The following CTNNA3 variants were observed in gnomAD, a reference collection of about 807,000 sequenced individuals.
CTNNA3 encodes the protein catenin alpha 3.
CTNNA3 carries 76 observed loss-of-function variants against 95.7 expected under a neutral mutation model. The ratio of observed to expected loss-of-function variants is 0.79; its 90% CI spans 0.66 to 0.96. The LOEUF (loss-of-function observed/expected upper bound fraction) is 0.96, where lower values mean the gene tolerates loss of function less well. Among genes scored for constraint, CTNNA3 ranks in the 40% least tolerant of loss-of-function variants. The probability of loss-of-function intolerance (pLI) is 0.00; values close to 1 mark genes in which losing one functional copy is unlikely to be tolerated. For synonymous variants in CTNNA3, 431 were observed against 374.4 expected (o/e 1.15, Z -1.74); for missense variants, 1,191 against 1,089.8 (o/e 1.09, Z -1.31).
At chr10:67,329,265 G>C (rs1329539642) in intron 5 of CTNNA3, among the ~76,000 whole-genome samples, 2 of 152,222 alleles carry the variant, frequency 1.3e-5, no homozygotes, top group Admixed American at 1.3e-4. Flanking sequence ...CAGCTACTTG[G>C]AGTGCTGAGG....
chr10:67,321,813 T>C (rs146465909), intron 5 of CTNNA3, among the ~76,000 whole-genome samples: 4,277 of 152,278 alleles, frequency 0.028, 86 homozygotes, highest in Non-Finnish European at 0.04. Context: ...TATGCAAAAT[T>C]GAACTGTTTC....
In CTNNA3 at chr10:67,643,269, G is replaced by A. The variant is rs1405765563; in HGVS notation, c.99+4146C>T. On this transcript the variant is annotated intron_variant, in intron 2 of 17. Transcript: ENST00000433211. ...TCTCACTTATAAGTGGGAGCTGAAGGATGAGAACACATGGACTCATGGGGG... is the reference window on the plus strand; with the variant it reads ...TCTCACTTATAAGTGGGAGCTGAAGAATGAGAACACATGGACTCATGGGGG... 2.6e-5 allele frequency among the ~76,000 whole-genome samples: 4 copies of A among 151,386 alleles called. No homozygotes were observed. In the East Asian group the frequency reaches 5.9e-4, roughly 22 times the overall value.
At chr10:65,983,540 T>G (rs1383971973) in intron 16 of CTNNA3, among the ~76,000 whole-genome samples, 1 of 151,516 alleles carries the variant, frequency 6.6e-6, no homozygotes, top group Non-Finnish European at 1.5e-5. Flanking sequence ...CTTCTCCAAC[T>G]TATTCTGTTT....
chr10:66,096,538 T>A (rs1244222250), intron 14 of CTNNA3, among the ~76,000 whole-genome samples: 1 of 151,022 alleles, frequency 6.6e-6, no homozygotes, highest in African/African-American at 2.4e-5. Context: ...TTTTTTTTTT[T>A]TTTAGGCAGT....
At chr10:65,937,450 C>A (rs1166103631) in intron 17 of CTNNA3, among the ~76,000 whole-genome samples, 1 of 152,130 alleles carries the variant, frequency 6.6e-6, no homozygotes, top group Non-Finnish European at 1.5e-5. Flanking sequence ...AAATGAAAGT[C>A]ATGCTTCCAT....
intron 13 of CTNNA3, among the ~76,000 whole-genome samples, chr10:66,104,887 T>G (rs1171688997): frequency 6.6e-6 from 1 of 152,204 alleles, no homozygotes; most frequent in East Asian, 1.9e-4. Context: ...TTTCATCCCT[T>G]GGGAGCACTC....
At chr10:67,573,891 T>A (rs555351987) in intron 3 of CTNNA3, among the ~76,000 whole-genome samples, 1 of 152,298 alleles carries the variant, frequency 6.6e-6, no homozygotes, top group Non-Finnish European at 1.5e-5. Flanking sequence ...AACTTAGTTT[T>A]AGGAAAGTAA....
chr10:65,978,113 A>AC (rs1351338382), intron 16 of CTNNA3, among the ~76,000 whole-genome samples: 1 of 151,746 alleles, frequency 6.6e-6, no homozygotes, highest in Non-Finnish European at 1.5e-5. Flanking sequence ...TCAAAGCAAA[A>AC]CCCTGACTTC....
intron 11 of CTNNA3, among the ~76,000 whole-genome samples, chr10:66,401,331 G>A (rs904341715): frequency 2.0e-5 from 3 of 151,984 alleles, no homozygotes; most frequent in Non-Finnish European, 4.4e-5. Flanking sequence ...TTTAAGACCG[G>A]CCTGGCCAAC....
intron 7 of CTNNA3, among the ~76,000 whole-genome samples, chr10:66,912,042 T>C (rs2039626335): frequency 6.6e-6 from 1 of 152,282 alleles, no homozygotes; most frequent in Non-Finnish European, 1.5e-5. Context: ...TGGCCTCAAA[T>C]ATAGCCAATG....
intron 5 of CTNNA3, among the ~76,000 whole-genome samples, chr10:67,433,139 ACTCTTC>A (rs1846171621): frequency 6.6e-6 from 1 of 151,660 alleles, no homozygotes; most frequent in Non-Finnish European, 1.5e-5. Flanking sequence ...GAGACATGCA[ACTCTTC>A]CTTTCATTTG....
At chr10:66,555,897 C>T (rs1842374291) in intron 10 of CTNNA3, among the ~76,000 whole-genome samples, 1 of 151,650 alleles carries the variant, frequency 6.6e-6, no homozygotes. Context: ...ATAGCTTCTG[C>T]ACAGAAATAA....
At chr10:66,043,956 C>CTGTGTGTGTGTGTGTGTGTG (rs59559225) in intron 15 of CTNNA3, among the ~76,000 whole-genome samples, 4 of 144,380 alleles carry the variant, frequency 2.8e-5, no homozygotes, top group Non-Finnish European at 3.1e-5. Context: ...TAGGACTATG[C>CTGTGTGTGTGTGTGTGTGTG]TGTGTGTGTG....
intron 7 of CTNNA3, among the ~76,000 whole-genome samples, chr10:66,883,007 G>T (rs1381950747): frequency 6.6e-6 from 1 of 152,012 alleles, no homozygotes; most frequent in Non-Finnish European, 1.5e-5. Flanking sequence ...AATCTCTGGG[G>T]TGGGACCAGG....
intron 9 of CTNNA3, among the ~76,000 whole-genome samples, chr10:66,683,040 T>C (rs1847123517): frequency 6.6e-6 from 1 of 152,190 alleles, no homozygotes; most frequent in African/African-American, 2.4e-5. Flanking sequence ...AGGACAATTA[T>C]TTAACCCCTA....
chr10:66,249,860 A>G (rs1365884864), intron 13 of CTNNA3, among the ~76,000 whole-genome samples: 1 of 152,164 alleles, frequency 6.6e-6, no homozygotes, highest in Non-Finnish European at 1.5e-5. Flanking sequence ...AAAACTAAAA[A>G]TAGAACTAAC....
At chr10:67,513,943 T>C (rs763976656) in intron 5 of CTNNA3, among the ~76,000 whole-genome samples, 3 of 152,230 alleles carry the variant, frequency 2.0e-5, no homozygotes, top group Non-Finnish European at 4.4e-5. Context: ...GTCCCAACTC[T>C]TGTCATTAGC....
chr10:67,585,858 C>T (rs117087155), intron 3 of CTNNA3, among the ~76,000 whole-genome samples: 2,053 of 151,578 alleles, frequency 0.014, 43 homozygotes, highest in Admixed American at 0.061. Context: ...TTTCTTTTTT[C>T]CTGCTAATTT....
At chr10:65,990,913 T>C (rs191032834) in intron 15 of CTNNA3, among the ~76,000 whole-genome samples, 13 of 152,188 alleles carry the variant, frequency 8.5e-5, no homozygotes, top group African/African-American at 2.9e-4. Context: ...ATTTAGGTTT[T>C]AGCTGATCTT....
Sources: gnomAD v4.1 joint callset for allele counts (sites outside exome capture counted in the v4.1 genomes callset) on GRCh38, gnomAD v4.1.1 for gene constraint, MANE v1.5 for transcripts, NCBI Gene and HGNC (gene_info 2026-07-23, HGNC 2026-07-21) for gene names.